Variants in MEGF11 observed in about 807,000 individuals in gnomAD.
MEGF11 encodes the protein multiple epidermal growth factor-like domains protein 11.
In MEGF11, 126 loss-of-function variants were observed where a neutral mutation model predicts 146.6. The observed-to-expected ratio is 0.86, with a 90% CI of 0.74 to 1.00. The LOEUF (loss-of-function observed/expected upper bound fraction) is 1.00, where lower values mean the gene tolerates loss of function less well. MEGF11 is among the 50% of genes least tolerant of loss of function. The pLI is 0.00. For missense variants in MEGF11, 1,509 were observed against 1,521.2 expected (o/e 0.99, Z 0.13); for synonymous variants, 532 against 583.4 (o/e 0.91, Z 1.27).
At chr15:65,946,524 C>G (rs2080199862) in intron 10 of MEGF11, among the ~76,000 whole-genome samples, 2 of 152,174 alleles carry the variant, frequency 1.3e-5, no homozygotes, top group Admixed American at 1.3e-4. Context: ...TCCCAAGTAG[C>G]TGGGACTACT....
At chr15:65,953,885 T>G (rs2080486675) in intron 10 of MEGF11, among the ~76,000 whole-genome samples, 1 of 152,014 alleles carries the variant, frequency 6.6e-6, no homozygotes, top group Non-Finnish European at 1.5e-5. Flanking sequence ...TCAGCACTCC[T>G]CACGTTTATG....
intron 5 of MEGF11, among the ~76,000 whole-genome samples, chr15:66,059,827 A>C (rs912467302): frequency 2.6e-5 from 4 of 152,204 alleles, no homozygotes; most frequent in African/African-American, 9.7e-5. Flanking sequence ...CAGGGAGCTA[A>C]CATGCTGATT....
intron 10 of MEGF11, among the ~76,000 whole-genome samples, chr15:65,933,393 C>T (rs760150737): frequency 6.6e-6 from 1 of 152,222 alleles, no homozygotes; most frequent in Non-Finnish European, 1.5e-5. Context: ...GTGTCCCAAA[C>T]CCTGATCTCC....
intron 4 of MEGF11, among the ~76,000 whole-genome samples, chr15:66,099,827 T>C (rs1437827909): frequency 2.0e-5 from 3 of 152,010 alleles, no homozygotes; most frequent in African/African-American, 4.8e-5. Context: ...CAGAGGATGA[T>C]AGAATGGCCT....
chr15:66,111,875 G>A (rs2087432761), intron 4 of MEGF11, among the ~76,000 whole-genome samples: 1 of 152,130 alleles, frequency 6.6e-6, no homozygotes, highest in African/African-American at 2.4e-5. Context: ...TTTATGGTAT[G>A]TGAAATTCAC....
intron 1 of MEGF11, among the ~76,000 whole-genome samples, chr15:66,179,540 G>C (rs565146601): frequency 1.3e-5 from 2 of 152,232 alleles, no homozygotes. Context: ...GTGAAGCTCT[G>C]AATCTCCATT....
At chr15:66,026,374 T>A (rs1376613249) in intron 5 of MEGF11, among the ~76,000 whole-genome samples, 4 of 152,214 alleles carry the variant, frequency 2.6e-5, no homozygotes. Context: ...GGCTTTATCA[T>A]CTTTGTTCAT....
At chr15:65,990,578 G>A (rs1260717995) in intron 5 of MEGF11, among the ~76,000 whole-genome samples, 1 of 119,448 alleles carries the variant, frequency 8.4e-6, no homozygotes. Flanking sequence ...AGCAAGGGAA[G>A]AAAGGAAAGA....
intron 5 of MEGF11, among the ~76,000 whole-genome samples, chr15:65,992,599 G>A (rs1420969331): frequency 6.6e-6 from 1 of 151,946 alleles, no homozygotes; most frequent in Admixed American, 6.6e-5. Context: ...GAGAGGAGGT[G>A]GGAAGATGGG....
chr15:65,997,870 G>A (rs533621937), intron 5 of MEGF11, among the ~76,000 whole-genome samples: 13 of 152,326 alleles, frequency 8.5e-5, no homozygotes, highest in South Asian at 4.1e-4. Flanking sequence ...GGCCAGAGAG[G>A]TCGCTCTGAG....
intron 1 of MEGF11, among the ~76,000 whole-genome samples, chr15:66,155,191 C>T (rs2089710828): frequency 6.6e-6 from 1 of 152,228 alleles, no homozygotes; most frequent in African/African-American, 2.4e-5. Context: ...GGCTCTGTGC[C>T]TCAGTGTTGC....
At chr15:65,947,910 A>T (rs972221971) in intron 10 of MEGF11, among the ~76,000 whole-genome samples, 2 of 152,232 alleles carry the variant, frequency 1.3e-5, no homozygotes, top group Non-Finnish European at 2.9e-5. Context: ...CATCAGGAAC[A>T]TGACAGCAAG....
rs11634482 is a variant in MEGF11, at chr15:65,897,629, A to T, written c.*305T>A. 5.6e-6 allele frequency: 1 copy of T among 178,724 alleles called. No individual in the cohort carries two copies. The allele number at this position is 178,724 out of a possible 1,614,324, so 11.1% of individuals were successfully genotyped here. On this transcript the variant is annotated 3_prime_UTR_variant, in exon 26 of 26. Transcript: ENST00000395614. ...TTTTTAAAATATCACGTTTCAGATA[A>T]ATATATATATATATATCAGCTATAT...
At chr15:66,149,112 A>G (rs550066477) in intron 1 of MEGF11, among the ~76,000 whole-genome samples, 8 of 152,298 alleles carry the variant, frequency 5.3e-5, no homozygotes, top group South Asian at 2.1e-4. Flanking sequence ...GCTCCCACTC[A>G]ATGATCCTTT....
chr15:66,069,425 G>A lies in MEGF11; in HGVS notation c.394+24977C>T, dbSNP rs555609311. On this transcript the variant is annotated intron_variant, in intron 5 of 25. Transcript: ENST00000395614. ...GGACTGAATACTTTGTCAAGGCACCGTCTAAGTGCTTTACATGTAACACCT... is the reference window on the plus strand; with the variant it reads ...GGACTGAATACTTTGTCAAGGCACCATCTAAGTGCTTTACATGTAACACCT... Among the ~76,000 whole-genome samples the A allele has an allele frequency of 7.9e-5, 12 of 152,324 alleles. No homozygotes were observed. The South Asian group carries it at 1.4e-3, about 18-fold the overall frequency.
chr15:66,083,400 CTT>C (rs1334956978), intron 5 of MEGF11, among the ~76,000 whole-genome samples: 1 of 152,112 alleles, frequency 6.6e-6, no homozygotes, highest in Non-Finnish European at 1.5e-5. Context: ...TAGCAAAAGT[CTT>C]TTCAATAAAT....
At chr15:66,032,733 AATATCT>A (rs2083571254) in intron 5 of MEGF11, among the ~76,000 whole-genome samples, 1 of 152,252 alleles carries the variant, frequency 6.6e-6, no homozygotes, top group Admixed American at 6.5e-5. Context: ...TGGTGGGAGA[AATATCT>A]AAGCTGCAAA....
At chr15:66,233,951 C>T (rs201488290) in intron 1 of MEGF11, among the ~76,000 whole-genome samples, 40 of 119,862 alleles carry the variant, frequency 3.3e-4, no homozygotes, top group African/African-American at 5.5e-4. Context: ...TTTTCTTTTT[C>T]TTTTTTTTTT....
At position 65,970,545 on chromosome 15, in the gene MEGF11, A is replaced by C. The variant is rs181041928; in HGVS notation, c.899+8T>G. 8.7e-6 allele frequency: 14 copies of C among 1,613,630 alleles called. No individual in the cohort carries two copies. In the South Asian group the frequency reaches 1.4e-4, roughly 16 times the overall value. On this transcript the variant is annotated splice_region_variant and intron_variant, in intron 8 of 25. Coordinates refer to ENST00000395614, the MANE Select transcript of MEGF11 (RefSeq NM_001385028.1). ...GACAGCAAAGATAACAGTTAACACT[A>C]TCCTTACCTGTCCCCCATGTATCCA...
Sources: allele counts gnomAD v4.1 joint callset (sites outside exome capture counted in the v4.1 genomes callset), GRCh38; gene constraint gnomAD v4.1.1; transcripts MANE v1.5; gene names NCBI Gene and HGNC (gene_info 2026-07-23, HGNC 2026-07-21).